FANCI: variants seen among roughly 807,000 people sequenced by gnomAD.
FANCI encodes the protein FA complementation group I, also known as Fanconi anemia group I protein.
A neutral mutation model predicts 176.1 loss-of-function variants in FANCI; 156 were observed. The observed-to-expected ratio is 0.89, with a 90% CI of 0.78 to 1.01. The LOEUF (loss-of-function observed/expected upper bound fraction) is 1.01, where lower values mean the gene tolerates loss of function less well. Ranked by LOEUF, FANCI falls within the 50% of genes least tolerant of loss-of-function variation. The probability of loss-of-function intolerance (pLI) is 0.00; values close to 1 mark genes in which losing one functional copy is unlikely to be tolerated. For synonymous variants in FANCI, 613 were observed against 541.7 expected (o/e 1.13, Z -1.83); for missense variants, 1,678 against 1,534.1 (o/e 1.09, Z -1.57).
At chr15:89,262,416 GAGAC>G (rs2052752679) in intron 6 of FANCI, among the ~76,000 whole-genome samples, 1 of 152,054 alleles carries the variant, frequency 6.6e-6, no homozygotes, top group Non-Finnish European at 1.5e-5. Flanking sequence ...TACAGTAATA[GAGAC>G]ATGTAAACTA....
chr15:89,280,619 C>G (rs1317344269), intron 14 of FANCI, among the ~76,000 whole-genome samples: 2 of 152,130 alleles, frequency 1.3e-5, no homozygotes, highest in Admixed American at 6.5e-5. Flanking sequence ...TCATAATGAG[C>G]TCTTCTTCCT....
intron 16 of FANCI, chr15:89,282,154 A>C: frequency 5.4e-6 from 2 of 371,964 alleles, no homozygotes; most frequent in South Asian, 4.6e-5. Context: ...GTCAGGTCTA[A>C]CATCAGAGCT....
At chr15:89,293,101 A>G in intron 22 of FANCI, 38 bp downstream of exon 22, 1 of 1,604,958 alleles carries the variant, frequency 6.2e-7, no homozygotes, top group South Asian at 1.1e-5. Context: ...AATTTGATGA[A>G]TTCTCCATTT....
rs2054690236 is a variant in FANCI at position 89,305,640 on chromosome 15, A to G, written c.3291A>G (p.Glu1097=). 1.2e-6 allele frequency: 2 copies of G among 1,614,212 alleles called. No homozygotes were observed. The highest frequency in any genetic ancestry group is 1.7e-6 in the Non-Finnish European group (2 of 1,180,038). The change falls in exon 31 of 38, where the codon GAA becomes GAG. Residue 1097 remains glutamate (E), a synonymous_variant. Coordinates refer to ENST00000310775, the MANE Select transcript of FANCI (RefSeq NM_001113378.2). ...TGAGTCAGGCCGAGAAGGTTCTAGA[A>G]GAAGTGGACTGGCTAATCACCAAGC... ...LVLSQAEKVL[E]EVDWLITKLK... is the part of the protein sequence containing the mutation.
intron 24 of FANCI, among the ~76,000 whole-genome samples, chr15:89,296,944 C>T (rs1369766849): frequency 3.4e-5 from 5 of 146,508 alleles, no homozygotes; most frequent in South Asian, 2.2e-4. Flanking sequence ...CCCTCCCGGA[C>T]GGGGCGGCTG....
In FANCI at chr15:89,316,384, T is replaced by C. The variant is rs913032891; in HGVS notation, c.3925-13T>C. Reference sequence around the variant, plus strand: ...GTTTATCACGTTAGAGCATTAATTCTTTCCCCTTCTAGGGCACTGCATCAG... The same window carrying C: ...GTTTATCACGTTAGAGCATTAATTCCTTCCCCTTCTAGGGCACTGCATCAG... On this transcript the variant is annotated splice_polypyrimidine_tract_variant and intron_variant, in intron 37 of 37. Transcript: ENST00000310775. 1 of 1,609,512 alleles carries C rather than the reference T, an allele frequency of 6.2e-7. No homozygotes were observed. The highest frequency in any genetic ancestry group is 1.3e-5 in the African/African-American group (1 of 74,858).
In FANCI at chr15:89,316,603, A is replaced by C. The variant is rs2055273285; in HGVS notation, c.*144A>C. On this transcript the variant is annotated 3_prime_UTR_variant, in exon 38 of 38. Transcript: ENST00000310775. ...GAATTCAACTGCACCTTCAGTTAGA[A>C]GGAATCTTCTTGGCAGGTCCTGCTA... 1 of 1,108,606 alleles carries C rather than the reference A, an allele frequency of 9.0e-7. No individual in the cohort carries two copies. Among genetic ancestry groups the C allele is most frequent in the Admixed American group, 1.9e-5 (1 of 51,390 alleles). The allele number at this position is 1,108,606 out of a possible 1,614,324, so 68.7% of individuals were successfully genotyped here. A position where few individuals can be genotyped will look rare whatever the true frequency, so the allele number is the denominator to read the frequency against.
At chr15:89,303,638 A>C (rs935730776) in intron 27 of FANCI, among the ~76,000 whole-genome samples, 3 of 152,236 alleles carry the variant, frequency 2.0e-5, no homozygotes, top group African/African-American at 7.2e-5. Context: ...TTTGGACCTC[A>C]GTAAGGACAT....
chr15:89,304,987 G>A (rs2054661692), intron 28 of FANCI, 128 bp from the exon 29 acceptor site: 1 of 986,514 alleles, frequency 1.0e-6, no homozygotes, highest in Admixed American at 1.8e-5. Context: ...TGTTGGTGAG[G>A]CTGGTCTTGA....
intron 31 of FANCI, 45 bp downstream of exon 31, chr15:89,305,743 G>A: frequency 6.3e-7 from 1 of 1,582,316 alleles, no homozygotes; most frequent in Non-Finnish European, 8.7e-7. Context: ...CATGAGCAAG[G>A]TCAAAATTCA....
Position 89,292,852 on chromosome 15 carries a change from A to G in FANCI, c.2157A>G (p.Glu719=). 1 of 1,614,132 alleles carries G rather than the reference A, an allele frequency of 6.2e-7. No individual in the cohort carries two copies. Among genetic ancestry groups the G allele is most frequent in the Non-Finnish European group, 8.5e-7 (1 of 1,180,016 alleles). Residue 719 remains glutamate (E), a synonymous_variant, in exon 21 of 38, where the codon GAA becomes GAG. Coordinates refer to ENST00000310775, the MANE Select transcript of FANCI (RefSeq NM_001113378.2). ...ITNRMIKSEL[E]DFELDKSADF... is the part of the protein sequence containing the mutation. ...ATAGAATGATTAAGAGTGAGCTGGA[A>G]GACTTTGAACTGGTAATTGCTAAGT...
chr15:89,299,035 G>A (rs775231372), intron 24 of FANCI, among the ~76,000 whole-genome samples: 14 of 152,092 alleles, frequency 9.2e-5, no homozygotes, highest in African/African-American at 1.4e-4. Context: ...TTAGCTGGGC[G>A]TGGTGGTATG....
At chr15:89,294,090 CA>C in intron 23 of FANCI, 93 bp downstream of exon 23, 1 of 1,403,214 alleles carries the variant, frequency 7.1e-7, no homozygotes, top group Non-Finnish European at 1.0e-6. Context: ...GGATTGTTTA[CA>C]GTAAGAAATA....
At position 89,263,407 on chromosome 15, in the gene FANCI, T is replaced by C. The variant is rs1156265563; in HGVS notation, c.504-12T>C. 1 of 1,610,578 alleles carries C rather than the reference T, an allele frequency of 6.2e-7. No individual in the cohort carries two copies. Among genetic ancestry groups the C allele is most frequent in the Admixed American group, 1.7e-5 (1 of 60,030 alleles). ...TTGTAAAGAAATAAACTTTGTCATTTTCTTCTACCAGGTGGGATCAGCAAT... is the reference window on the plus strand; with the variant it reads ...TTGTAAAGAAATAAACTTTGTCATTCTCTTCTACCAGGTGGGATCAGCAAT... On this transcript the variant is annotated splice_polypyrimidine_tract_variant and intron_variant, in intron 6 of 37. Coordinates refer to ENST00000310775, the MANE Select transcript of FANCI (RefSeq NM_001113378.2).
intron 2 of FANCI, among the ~76,000 whole-genome samples, chr15:89,251,840 T>C (rs1192280921): frequency 6.6e-6 from 1 of 152,160 alleles, no homozygotes; most frequent in Non-Finnish European, 1.5e-5. Flanking sequence ...CATCATAAAA[T>C]GTATATATCT....
At chr15:89,256,870 A>G (rs2052516992) in intron 2 of FANCI, among the ~76,000 whole-genome samples, 1 of 152,094 alleles carries the variant, frequency 6.6e-6, no homozygotes, top group South Asian at 2.1e-4. Flanking sequence ...CTAGCTGCTT[A>G]AGCCAGAAAT....
At chr15:89,281,083 G>A in intron 14 of FANCI, 87 bp from the exon 15 acceptor site, 1 of 1,391,616 alleles carries the variant, frequency 7.2e-7, no homozygotes, top group Non-Finnish European at 1.0e-6. Context: ...GGAAACAAAA[G>A]ACTTCACATT....
intron 10 of FANCI, among the ~76,000 whole-genome samples, chr15:89,272,266 C>T (rs747962190): frequency 6.6e-6 from 1 of 152,154 alleles, no homozygotes; most frequent in African/African-American, 2.4e-5. Context: ...AATGTCTATT[C>T]AAATCTTTTG....
chr15:89,305,957 A>C (rs751767317), intron 31 of FANCI, 50 bp from the exon 32 acceptor site: 1 of 1,587,194 alleles, frequency 6.3e-7, no homozygotes, highest in Non-Finnish European at 8.7e-7. Context: ...CTTTACTCTT[A>C]ATTAGAAAAC....
Sources: gnomAD v4.1 joint callset for allele counts (sites outside exome capture counted in the v4.1 genomes callset) on GRCh38, gnomAD v4.1.1 for gene constraint, MANE v1.5 for transcripts, NCBI Gene and HGNC (gene_info 2026-07-23, HGNC 2026-07-21) for gene names.